DYNC2H1: variants seen among roughly 807,000 people sequenced by gnomAD.
DYNC2H1 encodes the protein dynein cytoplasmic 2 heavy chain 1.
In DYNC2H1, 410 loss-of-function variants were observed where a neutral mutation model predicts 570.0. The ratio of observed to expected loss-of-function variants is 0.72; its 90% CI spans 0.66 to 0.78. The LOEUF (loss-of-function observed/expected upper bound fraction) is 0.78, where lower values mean the gene tolerates loss of function less well. Ranked by LOEUF, DYNC2H1 falls within the 30% of genes least tolerant of loss-of-function variation. The pLI, the probability that DYNC2H1 is intolerant of heterozygous loss-of-function variation, is 0.00. For missense variants in DYNC2H1, 4,865 were observed against 5,046.4 expected (o/e 0.96, Z 1.09); for synonymous variants, 1,688 against 1,677.6 (o/e 1.01, Z -0.15).
chr11:103,341,943 T>C (rs1391679055), intron 82 of DYNC2H1, among the ~76,000 whole-genome samples: 1 of 152,130 alleles, frequency 6.6e-6, no homozygotes, highest in African/African-American at 2.4e-5. Flanking sequence ...CATTTTTATT[T>C]CAACCTGGGC....
intron 63 of DYNC2H1, among the ~76,000 whole-genome samples, chr11:103,240,087 C>T (rs11225620): frequency 0.038 from 5,793 of 152,086 alleles, 368 homozygotes; most frequent in African/African-American, 0.13. Flanking sequence ...AAAAAACTAG[C>T]AATTTATGCT....
At chr11:103,296,757 C>G (rs1866847890) in intron 75 of DYNC2H1, among the ~76,000 whole-genome samples, 1 of 151,682 alleles carries the variant, frequency 6.6e-6, no homozygotes, top group Non-Finnish European at 1.5e-5. Context: ...TTTCAGCATA[C>G]AAATATATTT....
At position 103,323,931 on chromosome 11, in the gene DYNC2H1, A is replaced by C. The variant is rs745604127; in HGVS notation, c.11980A>C (p.Ser3994Arg). ...GAAAATTCCAGAGGACGACAAACCT[A>C]GTTTCTTTGGTCTGCCTGCCAATAT... ...IEKIPEDDKP[S>R]FFGLPANIAR... Residue 3994 changes from serine to arginine, a missense_variant, in exon 82 of 89, where the codon AGT becomes CGT. Physicochemically the swap from Ser to Arg is moderately radical, Grantham distance 110. Transcript: ENST00000375735. 1 of 1,613,012 alleles carries C rather than the reference A, an allele frequency of 6.2e-7. No homozygotes were observed. Among genetic ancestry groups the C allele is most frequent in the Non-Finnish European group, 8.5e-7 (1 of 1,179,336 alleles).
intron 82 of DYNC2H1, among the ~76,000 whole-genome samples, chr11:103,346,347 A>G (rs1174506185): frequency 6.6e-6 from 1 of 152,220 alleles, no homozygotes; most frequent in East Asian, 1.9e-4. Context: ...TGAATATATT[A>G]TCCCATATTT....
intron 84 of DYNC2H1, among the ~76,000 whole-genome samples, chr11:103,429,517 A>G (rs1388684644): frequency 6.6e-6 from 1 of 152,158 alleles, no homozygotes; most frequent in African/African-American, 2.4e-5. Context: ...AGCTGAACAA[A>G]GGTCTTGTTA....
chr11:103,189,644 C>CT lies in DYNC2H1; in HGVS notation c.7293-25dup. 6.2e-7 allele frequency: 1 copy of CT among 1,604,452 alleles called. No individual in the cohort carries two copies. Among genetic ancestry groups the CT allele is most frequent in the Non-Finnish European group, 8.5e-7 (1 of 1,174,890 alleles). On this transcript the variant is annotated intron_variant, in intron 44 of 88. Coordinates refer to ENST00000375735, the MANE Select transcript of DYNC2H1 (RefSeq NM_001377.3). The surrounding 1 kb of genome is among the most constrained non-coding windows in gnomAD (Gnocchi z 4.3). ...AATTTGGAATACTGATTTATTTCAG[C>CT]TTTCTTCTTATATGCCATTTTTTTT...
chr11:103,378,187 A>G (rs1446053554), intron 83 of DYNC2H1, among the ~76,000 whole-genome samples: 1 of 152,206 alleles, frequency 6.6e-6, no homozygotes, highest in Non-Finnish European at 1.5e-5. Context: ...GTACATCTCT[A>G]TCCCCATTTT....
At chr11:103,456,138 G>A in intron 86 of DYNC2H1, 137 bp from the exon 87 acceptor site, 1 of 587,174 alleles carries the variant, frequency 1.7e-6, no homozygotes, top group Non-Finnish European at 2.7e-6. Context: ...GACATATTAT[G>A]CATAGTTTAA....
rs1381200264 is a variant in DYNC2H1 at position 103,334,805 on chromosome 11, T to C, written c.12039+10815T>C. Among the ~76,000 whole-genome samples, 2 of 152,138 alleles carry C rather than the reference T, an allele frequency of 1.3e-5. No individual in the cohort carries two copies. Among genetic ancestry groups the C allele is most frequent in the African/African-American group, 4.8e-5 (2 of 41,456 alleles). On this transcript the variant is annotated intron_variant, in intron 82 of 88. Coordinates refer to ENST00000375735, the MANE Select transcript of DYNC2H1 (RefSeq NM_001377.3). The surrounding 1 kb of genome is among the most constrained non-coding windows in gnomAD (Gnocchi z 4.3). Reference sequence around the variant, plus strand: ...TAGAACAAAGACCACAGTAGACTACTACAGTATGATAGTTTTGCAGAATAC... The same window carrying C: ...TAGAACAAAGACCACAGTAGACTACCACAGTATGATAGTTTTGCAGAATAC...
At chr11:103,165,605 A>G (rs1222309768) in intron 30 of DYNC2H1, among the ~76,000 whole-genome samples, 1 of 152,228 alleles carries the variant, frequency 6.6e-6, no homozygotes, top group Non-Finnish European at 1.5e-5. Flanking sequence ...AGAGGGGAAG[A>G]AAATACAAAG....
chr11:103,428,094 T>C (rs1352797941), intron 84 of DYNC2H1, among the ~76,000 whole-genome samples: 1 of 151,822 alleles, frequency 6.6e-6, no homozygotes, highest in Non-Finnish European at 1.5e-5. Flanking sequence ...CTGAGGACCC[T>C]GTTAGAGTAA....
rs2513991 is a variant in DYNC2H1 at position 103,114,979 on chromosome 11, T to C, written c.503-198T>C. Among the ~76,000 whole-genome samples, 47,927 of 151,942 alleles carry C rather than the reference T, an allele frequency of 0.32. 8,415 individuals are homozygous for C. Among genetic ancestry groups the C allele is most frequent in the African/African-American group, 0.48 (19,945 of 41,402 alleles). The stretch of plus-strand genomic sequence containing the variant: ...ACAAAAAGCACACAGATCTAAAAAA[T>C]GTGGCACTAAGTAGACTTCAGGAAG... On this transcript the variant is annotated intron_variant, in intron 3 of 88. Coordinates refer to ENST00000375735, the MANE Select transcript of DYNC2H1 (RefSeq NM_001377.3).
chr11:103,303,123 A>G lies in DYNC2H1; in HGVS notation c.11126A>G (p.Asn3709Ser). 26 of 1,598,726 alleles carry G rather than the reference A, an allele frequency of 1.6e-5. No individual in the cohort carries two copies. The highest frequency in any genetic ancestry group is 2.1e-5 in the Non-Finnish European group (25 of 1,171,612). The part of the protein sequence containing the change: ...GLKEVSPLPL[N>S]LKRLYKETLE... ...AAAGAGGTGTCCCCACTGCCTCTAA[A>G]TCTCAAACGTTTATACAAAGAGACA... The change falls in exon 76 of 89, where the codon AAT becomes AGT. Residue 3709 changes from asparagine (N) to serine (S), a missense_variant. By Grantham distance (46) the Asn-to-Ser change is conservative (BLOSUM62 1). Coordinates refer to ENST00000375735, the MANE Select transcript of DYNC2H1 (RefSeq NM_001377.3).
chr11:103,398,362 A>G (rs12295386), intron 83 of DYNC2H1, among the ~76,000 whole-genome samples: 5,362 of 152,250 alleles, frequency 0.035, 310 homozygotes, highest in African/African-American at 0.12. Flanking sequence ...GAGTATTAAT[A>G]TTGTAAATGT....
At chr11:103,342,725 C>T (rs79784806) in intron 82 of DYNC2H1, among the ~76,000 whole-genome samples, 32,808 of 151,610 alleles carry the variant, frequency 0.22, 3,690 homozygotes, top group Admixed American at 0.31. Context: ...AGGATGGTCT[C>T]GACCTCCTGA....
At chr11:103,248,031 A>G (rs764994186) in intron 65 of DYNC2H1, among the ~76,000 whole-genome samples, 7 of 152,056 alleles carry the variant, frequency 4.6e-5, no homozygotes, top group Non-Finnish European at 7.4e-5. Context: ...CTATGGTGAA[A>G]TTTCCAGGTA....
At chr11:103,143,163 A>G in intron 17 of DYNC2H1, 105 bp from the exon 18 acceptor site, 1 of 1,180,636 alleles carries the variant, frequency 8.5e-7, no homozygotes, top group Non-Finnish European at 1.2e-6. Flanking sequence ...TGAATACCTC[A>G]TATTTTCCTC....
At chr11:103,454,798 C>G (rs191384520) in intron 85 of DYNC2H1, among the ~76,000 whole-genome samples, 204 of 152,268 alleles carry the variant, frequency 1.3e-3, no homozygotes, top group African/African-American at 4.6e-3. Context: ...ACCATCAAAT[C>G]TGGAACTGGA....
chr11:103,147,672 TTTTTA>T lies in DYNC2H1; in HGVS notation c.2703-99_2703-95del, dbSNP rs369346852. The T allele has an allele frequency of 1.3e-5, 9 of 714,652 alleles. 1 individual carries two copies. The East Asian group carries it at 1.7e-4, about 14-fold the overall frequency. The allele number at this position is 714,652 out of a possible 1,614,324, so 44.3% of individuals were successfully genotyped here. The stretch of plus-strand genomic sequence containing the variant: ...ATCACCATATTACTGCTGACATACA[TTTTTA>T]AGTGTATTACATGAAATCATTATAA... On this transcript the variant is annotated intron_variant, in intron 18 of 88. Transcript: ENST00000375735.
Sources: gnomAD v4.1 joint callset for allele counts (sites outside exome capture counted in the v4.1 genomes callset) on GRCh38, gnomAD v4.1.1 for gene constraint, Gnocchi (gnomAD v3.1) non-coding constraint, MANE v1.5 for transcripts, NCBI Gene and HGNC (gene_info 2026-07-23, HGNC 2026-07-21) for gene names.